WDR53: variants seen among roughly 807,000 people sequenced by gnomAD.
The protein encoded by WDR53 is WD repeat domain 53, also known as WD repeat-containing protein 53.
Under a neutral mutation model 21.3 loss-of-function variants are expected in WDR53, and 19 were observed. That is an observed-to-expected ratio of 0.89 (90% CI 0.62 to 1.31). WDR53 has a LOEUF of 1.31. WDR53 is among the 50% of genes most tolerant of loss of function. The pLI is 0.00. For missense variants in WDR53, 374 were observed against 423.2 expected, an observed-to-expected ratio of 0.88 and a Z score of 1.02; for synonymous variants, 157 against 163.4, an observed-to-expected ratio of 0.96 and a Z score of 0.30.
chr3:196,561,437 G>A lies in WDR53; in HGVS notation c.39C>T (p.Val13=). 6.2e-7 allele frequency: 1 copy of A among 1,613,982 alleles called. No individual in the cohort carries two copies. The highest frequency in any genetic ancestry group is 8.5e-7 in the Non-Finnish European group (1 of 1,180,006). ...VKWTGGHSSP[V]LCLNASKEGL... The stretch of plus-strand genomic sequence containing the variant: ...CTTCTTTACTTGCATTCAGGCAGAG[G>A]ACAGGAGAAGAATGCCCACCCGTCC... Residue 13 remains valine (V), a synonymous_variant, in exon 3 of 4, where the codon GTC becomes GTT. Transcript: ENST00000332629.
intron 3 of WDR53, among the ~76,000 whole-genome samples, chr3:196,557,882 A>G (rs1015178890): frequency 6.6e-6 from 1 of 150,694 alleles, no homozygotes; most frequent in Admixed American, 6.6e-5. Flanking sequence ...GGATCAAGCA[A>G]TTCTCCCGTC....
chr3:196,554,962 A>G (rs1311075088), intron 3 of WDR53, among the ~76,000 whole-genome samples, 155 bp from the exon 4 acceptor site: 1 of 152,226 alleles, frequency 6.6e-6, no homozygotes, highest in African/African-American at 2.4e-5. Flanking sequence ...AAATGCTGCC[A>G]TAACATGCCA....
chr3:196,561,331 G>A lies in WDR53; in HGVS notation c.145C>T (p.Gln49Ter). Residue 49 changes from glutamine (Q) to a stop codon, truncating the protein, a stop_gained, in exon 3 of 4, where the codon CAA becomes TAA. Coordinates refer to ENST00000332629, the MANE Select transcript of WDR53 (RefSeq NM_182627.3). LOFTEE classifies it high-confidence loss of function. Reference sequence around the variant, plus strand: ...ACACTGGTAACATCATCAGCCCCTTGGAACCGCGTGTGTCCTAATGGAGTT... The same window carrying A: ...ACACTGGTAACATCATCAGCCCCTTAGAACCGCGTGTGTCCTAATGGAGTT... ...DGTPLGHTRF[Q>*]GADDVTSVLF... The A allele has an allele frequency of 6.2e-7, 1 of 1,614,126 alleles. No individual in the cohort carries two copies. Among genetic ancestry groups the A allele is most frequent in the Non-Finnish European group, 8.5e-7 (1 of 1,180,028 alleles).
At chr3:196,554,984 C>G (rs1001149058) in intron 3 of WDR53, among the ~76,000 whole-genome samples, 177 bp from the exon 4 acceptor site, 1 of 151,768 alleles carries the variant, frequency 6.6e-6, no homozygotes, top group Non-Finnish European at 1.5e-5. Flanking sequence ...TGGAATGCTA[C>G]CCCGGGACTA....
chr3:196,554,749 TC>T lies in WDR53; in HGVS notation c.538del (p.Asp180MetfsTer16). 1 of 1,614,160 alleles carries T rather than the reference TC, an allele frequency of 6.2e-7. No homozygotes were observed. Among genetic ancestry groups the T allele is most frequent in the Non-Finnish European group, 8.5e-7 (1 of 1,180,036 alleles). ...RPLWITNLQE[D>X]ETEEMEGPQS... is the part of the protein sequence containing the mutation. Reference sequence around the variant, plus strand: ...TGGGCCTTCCATTTCTTCTGTTTCATCCTCCTGTAAATTTGTAATCCAGAGT... The same window carrying T: ...TGGGCCTTCCATTTCTTCTGTTTCATCTCCTGTAAATTTGTAATCCAGAGT... On this transcript the variant is annotated frameshift_variant, in exon 4 of 4. Transcript: ENST00000332629. LOFTEE classifies it high-confidence loss of function.
intron 2 of WDR53, among the ~76,000 whole-genome samples, chr3:196,563,893 A>G (rs1181143904): frequency 2.0e-5 from 3 of 152,194 alleles, no homozygotes; most frequent in African/African-American, 4.8e-5. Flanking sequence ...TTAGTCACAC[A>G]TACGATCACT....
At chr3:196,560,022 C>T (rs1734674578) in intron 3 of WDR53, among the ~76,000 whole-genome samples, 1 of 152,212 alleles carries the variant, frequency 6.6e-6, no homozygotes. Flanking sequence ...AGAGGAAGCA[C>T]ATCCTGCCAT....
rs771663293 is a variant in WDR53, at chr3:196,554,447, G to C, written c.841C>G (p.Pro281Ala). The C allele has an allele frequency of 1.2e-6, 2 of 1,614,020 alleles. No individual in the cohort carries two copies. Among genetic ancestry groups the C allele is most frequent in the African/African-American group, 1.3e-5 (1 of 74,960 alleles). Residue 281 changes from proline to alanine, a missense_variant, in exon 4 of 4, where the codon CCC (proline) becomes GCC (alanine). Transcript: ENST00000332629. ...NSEVEKKQKSPTKRTHRKKPK... is the reference protein window; with the variant it reads ...NSEVEKKQKSATKRTHRKKPK... Reference sequence around the variant, plus strand: ...TTCTTCCTGTGGGTACGTTTTGTGGGACTCTTCTGTTTTTTCTCAACTTCA... The same window carrying C: ...TTCTTCCTGTGGGTACGTTTTGTGGCACTCTTCTGTTTTTTCTCAACTTCA...
At position 196,561,420 on chromosome 3, in the gene WDR53, C is replaced by G. The variant is rs943286659; in HGVS notation, c.56G>C (p.Ser19Thr). ...HSSPVLCLNA[S>T]KEGLLASGAE... is the part of the protein sequence containing the mutation. ...TCCAGAAGCCAGCAGCCCTTCTTTA[C>G]TTGCATTCAGGCAGAGGACAGGAGA... The change falls in exon 3 of 4, where the codon AGT becomes ACT. Residue 19 changes from serine (S) to threonine (T), a missense_variant. Transcript: ENST00000332629. 1.2e-6 allele frequency: 2 copies of G among 1,614,022 alleles called. No homozygotes were observed. Among genetic ancestry groups the G allele is most frequent in the South Asian group, 2.2e-5 (2 of 91,092 alleles).
chr3:196,566,782 G>A (rs1735443250), intron 2 of WDR53, 95 bp downstream of exon 2: 1 of 158,800 alleles, frequency 6.3e-6, no homozygotes, highest in Non-Finnish European at 1.4e-5. Context: ...CAGAATGAGA[G>A]TACTGAACAT....
intron 3 of WDR53, among the ~76,000 whole-genome samples, chr3:196,557,451 TG>T (rs1166517206): frequency 2.0e-5 from 3 of 151,984 alleles, no homozygotes; most frequent in Admixed American, 6.6e-5. Context: ...GAGGATGAGG[TG>T]GGAGGATCAC....
intron 2 of WDR53, among the ~76,000 whole-genome samples, chr3:196,562,075 A>G (rs964929343): frequency 6.6e-6 from 1 of 152,194 alleles, no homozygotes; most frequent in South Asian, 2.1e-4. Context: ...TACTTTTTCG[A>G]TTTTTATTAG....
chr3:196,567,940 C>T (rs1735589050), intron 1 of WDR53, among the ~76,000 whole-genome samples: 1 of 152,144 alleles, frequency 6.6e-6, no homozygotes, highest in South Asian at 2.1e-4. Context: ...TTTGTAGCGA[C>T]ACTGCCTCGC....
intron 3 of WDR53, 113 bp downstream of exon 3, chr3:196,560,883 G>T: frequency 7.6e-7 from 1 of 1,311,700 alleles, no homozygotes; most frequent in Non-Finnish European, 1.1e-6. Flanking sequence ...GTTCATAAAT[G>T]GATATGTTAG....
rs148650434 is a variant in WDR53, at chr3:196,566,483, G to A, written c.-17+394C>T. Among the ~76,000 whole-genome samples, 490 of 148,110 alleles carry A rather than the reference G, an allele frequency of 3.3e-3. 5 individuals carry two copies. Among genetic ancestry groups the A allele is most frequent in the African/African-American group, 0.012 (467 of 40,072 alleles). Reference sequence around the variant, plus strand: ...GGCTGGAGTGCAATGGTGCAATCTCGGCTCACTGCAACCTCCGTCTCCCAG... The same window carrying A: ...GGCTGGAGTGCAATGGTGCAATCTCAGCTCACTGCAACCTCCGTCTCCCAG... On this transcript the variant is annotated intron_variant, in intron 2 of 3. Transcript: ENST00000332629.
chr3:196,560,236 C>G (rs1734695719), intron 3 of WDR53, among the ~76,000 whole-genome samples: 1 of 143,526 alleles, frequency 7.0e-6, no homozygotes, highest in African/African-American at 2.7e-5. Flanking sequence ...TGTGATGCTC[C>G]TTTCTTTTTT....
At chr3:196,557,559 C>G (rs2054746) in intron 3 of WDR53, among the ~76,000 whole-genome samples, 2,731 of 152,066 alleles carry the variant, frequency 0.018, 69 homozygotes, top group African/African-American at 0.063. Flanking sequence ...AACAAAAGAG[C>G]CTTCTCTACC....
chr3:196,558,239 T>G (rs1404984954), intron 3 of WDR53, among the ~76,000 whole-genome samples: 4 of 149,182 alleles, frequency 2.7e-5, no homozygotes, highest in African/African-American at 9.9e-5. Context: ...AGGGTCTCAC[T>G]TTGTCATCCA....
rs1346879103 is a variant in WDR53, at chr3:196,567,127, T to C, written c.-267A>G. 6 of 456,810 alleles carry C rather than the reference T, an allele frequency of 1.3e-5. No individual in the cohort carries two copies. The highest frequency in any genetic ancestry group is 1.2e-4 in the African/African-American group (6 of 50,072). 28.3% of individuals were successfully genotyped at this position (456,810 alleles called of 1,614,324 possible). ...TCATTCTGTCTAGTTCATGATCCCTTTCTCAGATGGATCAACTCTGCTTAT... is the reference window on the plus strand; with the variant it reads ...TCATTCTGTCTAGTTCATGATCCCTCTCTCAGATGGATCAACTCTGCTTAT... On this transcript the variant is annotated 5_prime_UTR_variant, in exon 2 of 4. Coordinates refer to ENST00000332629, the MANE Select transcript of WDR53 (RefSeq NM_182627.3).
Sources: gnomAD v4.1 joint callset for allele counts (sites outside exome capture counted in the v4.1 genomes callset) on GRCh38, gnomAD v4.1.1 for gene constraint, MANE v1.5 for transcripts, NCBI Gene and HGNC (gene_info 2026-07-23, HGNC 2026-07-21) for gene names.